Variants in SIL1 observed in about 807,000 individuals in gnomAD.
SIL1 encodes nucleotide exchange factor SIL1.
Under a neutral mutation model 49.1 loss-of-function variants are expected in SIL1, and 40 were observed. That is an observed-to-expected ratio of 0.81 (90% CI 0.63 to 1.06). The LOEUF (loss-of-function observed/expected upper bound fraction) is 1.06, where lower values mean the gene tolerates loss of function less well. Among genes scored for constraint, SIL1 ranks in the 50% least tolerant of loss-of-function variants. The pLI is 0.00. For synonymous variants in SIL1, 253 were observed against 250.8 expected (o/e 1.01, Z -0.08); for missense variants, 500 against 572.6 (o/e 0.87, Z 1.29).
At chr5:138,952,649 C>A (rs1375746537) in intron 7 of SIL1, among the ~76,000 whole-genome samples, 3 of 152,260 alleles carry the variant, frequency 2.0e-5, no homozygotes, top group Non-Finnish European at 4.4e-5. Context: ...CAACCATGAA[C>A]ATATCAATAG....
intron 5 of SIL1, among the ~76,000 whole-genome samples, chr5:139,033,160 A>G (rs1768829584): frequency 6.6e-6 from 1 of 151,358 alleles, no homozygotes; most frequent in African/African-American, 2.4e-5. Context: ...TGCCTGGCTC[A>G]TTTTTTTTAC....
intron 7 of SIL1, among the ~76,000 whole-genome samples, chr5:138,953,107 C>T (rs912830982): frequency 2.0e-4 from 31 of 152,212 alleles, no homozygotes; most frequent in African/African-American, 6.3e-4. Context: ...CAAAGGACAC[C>T]GCAGTCTACC....
chr5:139,068,946 C>T (rs757005688), intron 3 of SIL1, among the ~76,000 whole-genome samples: 4 of 152,102 alleles, frequency 2.6e-5, no homozygotes, highest in Non-Finnish European at 5.9e-5. Context: ...GTACAAGATA[C>T]TCAATAACAA....
intron 1 of SIL1, among the ~76,000 whole-genome samples, chr5:139,174,922 A>G: frequency 7.4e-6 from 1 of 135,934 alleles, no homozygotes; most frequent in South Asian, 2.7e-4. Flanking sequence ...TGGATGACAG[A>G]GTAAGACTGT....
At chr5:139,080,775 A>G (rs765516689) in intron 3 of SIL1, among the ~76,000 whole-genome samples, 1 of 152,232 alleles carries the variant, frequency 6.6e-6, no homozygotes, top group African/African-American at 2.4e-5. Flanking sequence ...TAGCTTTTTA[A>G]TTAAGTGACA....
At chr5:139,006,651 G>T (rs1190061915) in intron 7 of SIL1, among the ~76,000 whole-genome samples, 1 of 151,412 alleles carries the variant, frequency 6.6e-6, no homozygotes, top group Non-Finnish European at 1.5e-5. Flanking sequence ...GTGTAAGGAA[G>T]GGATCCAGTT....
chr5:139,178,422 A>G (rs1751924564), intron 1 of SIL1, among the ~76,000 whole-genome samples: 1 of 152,152 alleles, frequency 6.6e-6, no homozygotes, highest in Non-Finnish European at 1.5e-5. Context: ...CTCCAGGTAA[A>G]TATGAAATGC....
chr5:139,162,152 T>G (rs1351080270), intron 1 of SIL1, among the ~76,000 whole-genome samples: 1 of 152,142 alleles, frequency 6.6e-6, no homozygotes, highest in African/African-American at 2.4e-5. Context: ...ATATTTGCCA[T>G]GAAAAACCAG....
intron 1 of SIL1, among the ~76,000 whole-genome samples, chr5:139,154,714 C>T (rs1202220570): frequency 6.6e-6 from 1 of 152,218 alleles, no homozygotes. Context: ...GAGACCTTTA[C>T]TCCAGCTAAG....
chr5:139,188,504 A>G, intron 1 of SIL1, among the ~76,000 whole-genome samples: 1 of 152,186 alleles, frequency 6.6e-6, no homozygotes. Flanking sequence ...TTAAAAACTC[A>G]ACTTGAGATC....
intron 5 of SIL1, 90 bp downstream of exon 5, chr5:139,042,530 G>T: frequency 9.4e-7 from 1 of 1,062,600 alleles, no homozygotes; most frequent in Non-Finnish European, 1.5e-6. Context: ...CATGTTTATT[G>T]CAAGAGTTCC....
At chr5:139,083,181 C>G (rs1770128445) in intron 3 of SIL1, among the ~76,000 whole-genome samples, 1 of 152,174 alleles carries the variant, frequency 6.6e-6, no homozygotes, top group African/African-American at 2.4e-5. Flanking sequence ...AGAGCACCTG[C>G]CACTGGGAGA....
At chr5:138,972,193 G>A (rs1347732299) in intron 7 of SIL1, among the ~76,000 whole-genome samples, 1 of 152,170 alleles carries the variant, frequency 6.6e-6, no homozygotes, top group Non-Finnish European at 1.5e-5. Context: ...AAGTGATTCC[G>A]TTGACTTCAC....
At chr5:138,985,793 C>G (rs1767637441) in intron 7 of SIL1, among the ~76,000 whole-genome samples, 1 of 152,152 alleles carries the variant, frequency 6.6e-6, no homozygotes, top group African/African-American at 2.4e-5. Context: ...CATCACCTCC[C>G]ACCCCATGGC....
chr5:138,974,176 C>T (rs531132526), intron 7 of SIL1, among the ~76,000 whole-genome samples: 34 of 152,276 alleles, frequency 2.2e-4, no homozygotes, highest in Middle Eastern at 3.4e-3. Context: ...CTCAGGAAAG[C>T]GTGAACTCGG....
intron 4 of SIL1, among the ~76,000 whole-genome samples, chr5:139,048,485 C>T (rs1004263988): frequency 4.0e-5 from 6 of 150,944 alleles, no homozygotes; most frequent in Non-Finnish European, 7.4e-5. Flanking sequence ...AAGTGATCCT[C>T]CCAACTCAGC....
chr5:139,093,644 C>T (rs1770391902), intron 3 of SIL1, among the ~76,000 whole-genome samples: 2 of 152,244 alleles, frequency 1.3e-5, no homozygotes, highest in Non-Finnish European at 2.9e-5. Flanking sequence ...TCTGTATCTA[C>T]AACACACTGT....
At chr5:138,954,612 G>C (rs1302821806) in intron 7 of SIL1, among the ~76,000 whole-genome samples, 1 of 152,276 alleles carries the variant, frequency 6.6e-6, no homozygotes, top group Non-Finnish European at 1.5e-5. Flanking sequence ...GGCAGGGCCA[G>C]TAGAGCTGAA....
chr5:138,990,343 A>G (rs1767729625), intron 7 of SIL1, among the ~76,000 whole-genome samples: 1 of 152,180 alleles, frequency 6.6e-6, no homozygotes, highest in Non-Finnish European at 1.5e-5. Flanking sequence ...CTTTAGTCTC[A>G]ACTCCTTGCC....
Sources: allele counts gnomAD v4.1 joint callset (sites outside exome capture counted in the v4.1 genomes callset), GRCh38; gene constraint gnomAD v4.1.1; transcripts MANE v1.5; gene names NCBI Gene and HGNC (gene_info 2026-07-23, HGNC 2026-07-21).